Variants in TSHZ3 observed in about 807,000 individuals in gnomAD.
TSHZ3 encodes the protein teashirt zinc finger homeobox 3.
Under a neutral mutation model 64.5 loss-of-function variants are expected in TSHZ3, and 10 were observed. The observed-to-expected ratio is 0.16, with a 90% CI of 0.10 to 0.26. The LOEUF (loss-of-function observed/expected upper bound fraction) is 0.26. Among genes scored for constraint, TSHZ3 ranks in the 10% least tolerant of loss-of-function variants. TSHZ3 has a pLI of 1.00. For missense variants in TSHZ3, 1,242 were observed against 1,421.7 expected (o/e 0.87, Z 2.03); for synonymous variants, 608 against 593.1 (o/e 1.03, Z -0.36).
chr19:31,220,505 C>A (rs954968580), intron 4 of TSHZ3, among the ~76,000 whole-genome samples: 1 of 152,214 alleles, frequency 6.6e-6, no homozygotes, highest in South Asian at 2.1e-4. Context: ...ATTTTTATTT[C>A]ATTGGGTTGG....
At chr19:31,300,065 A>AGTGT (rs369255947) in intron 1 of TSHZ3, among the ~76,000 whole-genome samples, 3 of 151,602 alleles carry the variant, frequency 2.0e-5, no homozygotes, top group East Asian at 3.9e-4. Context: ...CACGCGAGAG[A>AGTGT]GTGTGTGTGT....
chr19:31,223,295 T>G (rs1171026120), intron 4 of TSHZ3, among the ~76,000 whole-genome samples: 3 of 152,138 alleles, frequency 2.0e-5, no homozygotes, highest in African/African-American at 7.2e-5. Context: ...TCTGTATTTG[T>G]GGGGCCTCAT....
intron 5 of TSHZ3, among the ~76,000 whole-genome samples, chr19:31,185,982 C>T (rs1974802295): frequency 6.6e-6 from 1 of 152,196 alleles, no homozygotes; most frequent in South Asian, 2.1e-4. Context: ...TTCTGTGGCT[C>T]TCTGTTGCGC....
At chr19:31,159,122 C>T (rs576208496) in intron 5 of TSHZ3, among the ~76,000 whole-genome samples, 106 of 152,294 alleles carry the variant, frequency 7.0e-4, no homozygotes, top group Non-Finnish European at 1.4e-3. Flanking sequence ...GCCTCAACCT[C>T]CTGAGTAGCT....
chr19:31,179,011 G>C (rs1215480502), intron 5 of TSHZ3, among the ~76,000 whole-genome samples: 2 of 109,986 alleles, frequency 1.8e-5, no homozygotes, highest in Non-Finnish European at 3.6e-5. Context: ...ACTGCAGAAG[G>C]CACTGATGAT....
At chr19:31,214,473 A>G (rs1447682309) in intron 4 of TSHZ3, among the ~76,000 whole-genome samples, 1 of 152,228 alleles carries the variant, frequency 6.6e-6, no homozygotes, top group Non-Finnish European at 1.5e-5. Flanking sequence ...AAGCAAGAAC[A>G]GAGTCTTTGA....
At position 31,221,237 on chromosome 19, in the gene TSHZ3, C is replaced by A. The variant is rs544390591; in HGVS notation, n.686+6768G>T. Reference sequence around the variant, plus strand: ...GCAATGAAAACTCAAGAAAAGGATGCTGAATTCTTTTGGTGGTGGATAGAA... The same window carrying A: ...GCAATGAAAACTCAAGAAAAGGATGATGAATTCTTTTGGTGGTGGATAGAA... On this transcript the variant is annotated intron_variant and non_coding_transcript_variant, in intron 4 of 6. Transcript: ENST00000651361. 2.0e-5 allele frequency among the ~76,000 whole-genome samples: 3 copies of A among 152,236 alleles called. No individual in the cohort carries two copies. In the East Asian group the frequency reaches 5.8e-4, roughly 29 times the overall value.
At chr19:31,233,942 A>C (rs1975574124) in intron 3 of TSHZ3, among the ~76,000 whole-genome samples, 1 of 152,034 alleles carries the variant, frequency 6.6e-6, no homozygotes, top group Non-Finnish European at 1.5e-5. Flanking sequence ...TACCAAAAAA[A>C]AAAAAAAAAG....
intron 5 of TSHZ3, among the ~76,000 whole-genome samples, chr19:31,166,953 T>A (rs984152885): frequency 6.6e-6 from 1 of 152,196 alleles, no homozygotes; most frequent in African/African-American, 2.4e-5. Context: ...AGTCTGTCCC[T>A]CATTTATAGA....
At chr19:31,324,553 C>A (rs1230519349) in intron 1 of TSHZ3, among the ~76,000 whole-genome samples, 1 of 152,222 alleles carries the variant, frequency 6.6e-6, no homozygotes, top group Non-Finnish European at 1.5e-5. Context: ...GGGCGTGAAG[C>A]CTGAATGGGA....
At chr19:31,295,752 T>C (rs1353011767) in intron 1 of TSHZ3, among the ~76,000 whole-genome samples, 1 of 151,868 alleles carries the variant, frequency 6.6e-6, no homozygotes, top group Non-Finnish European at 1.5e-5. Context: ...TTTTTGTATG[T>C]TATTCTGCAT....
rs750140584 is a variant in TSHZ3, at chr19:31,277,898, T to A, written c.1895A>T (p.Asp632Val). 6.2e-7 allele frequency: 1 copy of A among 1,613,560 alleles called. No individual in the cohort carries two copies. The highest frequency in any genetic ancestry group is 8.5e-7 in the Non-Finnish European group (1 of 1,179,748). Residue 632 changes from aspartate (D) to valine (V), a missense_variant, in exon 2 of 2, where the codon GAT becomes GTT. This residue lies in a region of TSHZ3 where 550 missense variants were observed against 545.1 expected (regional missense o/e 1.01). Coordinates refer to ENST00000240587, the MANE Select transcript of TSHZ3 (RefSeq NM_020856.4). The surrounding 1 kb of genome is among the most constrained non-coding windows in gnomAD (Gnocchi z 4.5). Reference sequence around the variant, plus strand: ...CCGCTTGGGCGGGGAAAGCTTCCCATCCGGCTCCTTCATCTTCTCCTCCAC... The same window carrying A: ...CCGCTTGGGCGGGGAAAGCTTCCCAACCGGCTCCTTCATCTTCTCCTCCAC... ...AKVEEKMKEP[D>V]GKLSPPKRAT...
chr19:31,184,102 T>C (rs1474347588), intron 5 of TSHZ3, among the ~76,000 whole-genome samples: 1 of 152,170 alleles, frequency 6.6e-6, no homozygotes, highest in East Asian at 1.9e-4. Flanking sequence ...ATACATTTTA[T>C]GAATATGTAA....
At chr19:31,300,113 A>G (rs1261718030) in intron 1 of TSHZ3, among the ~76,000 whole-genome samples, 1 of 152,186 alleles carries the variant, frequency 6.6e-6, no homozygotes, top group East Asian at 1.9e-4. Flanking sequence ...AATGCATTAC[A>G]AGCCTAAGAG....
chr19:31,211,726 G>A (rs906662789), intron 4 of TSHZ3, among the ~76,000 whole-genome samples: 5 of 152,230 alleles, frequency 3.3e-5, no homozygotes, highest in African/African-American at 1.2e-4. Context: ...GATTCCAGCA[G>A]TGAGGAGCGG....
At chr19:31,350,521 G>A, upstream of TSHZ3, among the ~76,000 whole-genome samples, 1 of 147,768 alleles carries the variant, frequency 6.8e-6, no homozygotes, top group East Asian at 2.1e-4. Flanking sequence ...CCCATCCCCC[G>A]CCAGGGGCTC....
chr19:31,246,826 C>T (rs1343383878), intron 1 of TSHZ3, among the ~76,000 whole-genome samples: 1 of 152,044 alleles, frequency 6.6e-6, no homozygotes, highest in Non-Finnish European at 1.5e-5. Context: ...ACCGAGAAAG[C>T]ACAAGATGAG....
At chr19:31,289,822 A>G (rs1382631327) in intron 1 of TSHZ3, among the ~76,000 whole-genome samples, 1 of 152,054 alleles carries the variant, frequency 6.6e-6, no homozygotes, top group African/African-American at 2.4e-5. Flanking sequence ...GCCTTGAATC[A>G]CCTTCCTCTG....
At position 31,208,488 on chromosome 19, in the gene TSHZ3, G is replaced by C. The variant is rs969051979; in HGVS notation, n.687-3410C>G. Among the ~76,000 whole-genome samples the C allele has an allele frequency of 2.0e-5, 3 of 152,154 alleles. No individual in the cohort carries two copies. In the East Asian group the frequency reaches 5.8e-4, roughly 29 times the overall value. ...TGTATACATGGAAAAGGGAAGTCAAGGTGCTAGTATTAGAAGAAACAATGA... is the reference window on the plus strand; with the variant it reads ...TGTATACATGGAAAAGGGAAGTCAACGTGCTAGTATTAGAAGAAACAATGA... On this transcript the variant is annotated intron_variant and non_coding_transcript_variant, in intron 4 of 6. Transcript: ENST00000651361.
Sources: gnomAD v4.1 joint callset for allele counts (sites outside exome capture counted in the v4.1 genomes callset) on GRCh38, gnomAD v4.1.1 for gene constraint, gnomAD v4.1.1 regional missense constraint, Gnocchi (gnomAD v3.1) non-coding constraint, MANE v1.5 for transcripts, NCBI Gene and HGNC (gene_info 2026-07-23, HGNC 2026-07-21) for gene names.